The following PCDHGA1 variants were observed in gnomAD, a reference collection of about 807,000 sequenced individuals.
PCDHGA1 encodes the protein protocadherin gamma-A1.
Under a neutral mutation model 58.0 loss-of-function variants are expected in PCDHGA1, and 32 were observed. That is an observed-to-expected ratio of 0.55 (90% CI 0.42 to 0.74). PCDHGA1 has a LOEUF of 0.74. Among genes scored for constraint, PCDHGA1 ranks in the 30% least tolerant of loss-of-function variants. The pLI, the probability that PCDHGA1 is intolerant of heterozygous loss-of-function variation, is 0.00. For missense variants in PCDHGA1, 1,205 were observed against 1,182.3 expected (o/e 1.02, Z -0.28); for synonymous variants, 498 against 501.1 (o/e 0.99, Z 0.08).
intron 1 of PCDHGA1, among the ~76,000 whole-genome samples, chr5:141,430,380 T>C (rs1464446838): frequency 2.7e-5 from 4 of 147,890 alleles, no homozygotes; most frequent in Non-Finnish European, 4.5e-5. Flanking sequence ...AAAAGCTCAT[T>C]GGGAAAAAAA....
At chr5:141,370,688 G>A (rs374195397) in intron 1 of PCDHGA1, 7 of 1,613,840 alleles carry the variant, frequency 4.3e-6, no homozygotes, top group Non-Finnish European at 5.9e-6. Context: ...TTTGTGGCAA[G>A]AAGTCGACGT....
At chr5:141,364,036 G>A (rs868127549) in intron 1 of PCDHGA1, among the ~76,000 whole-genome samples, 16 of 152,152 alleles carry the variant, frequency 1.1e-4, no homozygotes, top group African/African-American at 2.9e-4. Context: ...TAAGGATATG[G>A]CAACATTATT....
rs980196319 is a variant in PCDHGA1 at position 141,511,604 on chromosome 5, A to C, written c.*431A>C. 3 of 248,420 alleles carry C rather than the reference A, an allele frequency of 1.2e-5. No individual in the cohort carries two copies. Among genetic ancestry groups the C allele is most frequent in the African/African-American group, 6.6e-5 (3 of 45,596 alleles). The allele number at this position is 248,420 out of a possible 1,614,324, so 15.4% of individuals were successfully genotyped here. Reference sequence around the variant, plus strand: ...GGTGTTGAAGTACCAAGTAACCTACAAGCCTCCTAGTTCTGAAAAGTTGGA... The same window carrying C: ...GGTGTTGAAGTACCAAGTAACCTACCAGCCTCCTAGTTCTGAAAAGTTGGA... On this transcript the variant is annotated 3_prime_UTR_variant, in exon 4 of 4. Coordinates refer to ENST00000517417, the MANE Select transcript of PCDHGA1 (RefSeq NM_018912.3).
chr5:141,362,635 C>T (rs1762607896), intron 1 of PCDHGA1: 2 of 1,483,024 alleles, frequency 1.3e-6, no homozygotes, highest in Non-Finnish European at 1.8e-6. Context: ...CTGCGTATTT[C>T]TTTGTCTGTG....
chr5:141,357,388 A>T, intron 1 of PCDHGA1: 4 of 1,614,224 alleles, frequency 2.5e-6, no homozygotes, highest in Non-Finnish European at 3.4e-6. Context: ...CGCTGAAGGC[A>T]GCAGGTTGGC....
chr5:141,407,599 AAAG>A (rs1328416590), intron 1 of PCDHGA1, among the ~76,000 whole-genome samples: 13 of 152,198 alleles, frequency 8.5e-5, no homozygotes, highest in Admixed American at 2.0e-4. Flanking sequence ...CTCATCTTAA[AAAG>A]AAGCATTGGT....
In PCDHGA1 at chr5:141,423,466, G is replaced by T. The variant is rs770939556; in HGVS notation, c.2422-71341G>T. On this transcript the variant is annotated intron_variant, in intron 1 of 3. Coordinates refer to ENST00000517417, the MANE Select transcript of PCDHGA1 (RefSeq NM_018912.3). Reference sequence around the variant, plus strand: ...GTCACATTTTGTAGGCGTGGACGGGGTACAGGCTTTCCTGCAAACCTATTC... The same window carrying T: ...GTCACATTTTGTAGGCGTGGACGGGTTACAGGCTTTCCTGCAAACCTATTC... 6 of 1,614,022 alleles carry T rather than the reference G, an allele frequency of 3.7e-6. No homozygotes were observed. In the Admixed American group the frequency reaches 5.0e-5, roughly 13 times the overall value.
At chr5:141,413,841 T>C (rs1481867404) in intron 1 of PCDHGA1, 1 of 1,613,060 alleles carries the variant, frequency 6.2e-7, no homozygotes, top group Admixed American at 1.7e-5. Context: ...CCGACGGGGG[T>C]GACCCTCTCC....
At chr5:141,474,756 T>C (rs2099354156) in intron 1 of PCDHGA1, among the ~76,000 whole-genome samples, 1 of 152,244 alleles carries the variant, frequency 6.6e-6, no homozygotes, top group Non-Finnish European at 1.5e-5. Flanking sequence ...AAGACAAATA[T>C]ACAGAAATAG....
At chr5:141,414,844 C>T (rs769714220) in intron 1 of PCDHGA1, 3 of 1,614,216 alleles carry the variant, frequency 1.9e-6, no homozygotes, top group South Asian at 2.2e-5. Flanking sequence ...CCTGTTTGTG[C>T]TGGACCAGAA....
At chr5:141,405,179 G>A (rs2094620573) in intron 1 of PCDHGA1, 1 of 1,614,028 alleles carries the variant, frequency 6.2e-7, no homozygotes, top group South Asian at 1.1e-5. Context: ...CTTTGTGGGT[G>A]TAGATGGGGT....
At chr5:141,482,033 C>G (rs1185284483) in intron 1 of PCDHGA1, among the ~76,000 whole-genome samples, 1 of 149,194 alleles carries the variant, frequency 6.7e-6, no homozygotes, top group African/African-American at 2.5e-5. Flanking sequence ...TGCAGTGAGC[C>G]AAGATCATGC....
In PCDHGA1 at chr5:141,476,432, G is replaced by T; in HGVS notation, c.2422-18375G>T. 6.2e-7 allele frequency: 1 copy of T among 1,614,116 alleles called. No individual in the cohort carries two copies. The highest frequency in any genetic ancestry group is 8.5e-7 in the Non-Finnish European group (1 of 1,180,028). ...GTGTGGGACACTGCCCTCTTGCACT[G>T]TAACTCTGGAGTTGGTAGTGGAGAA... On this transcript the variant is annotated intron_variant, in intron 1 of 3. Coordinates refer to ENST00000517417, the MANE Select transcript of PCDHGA1 (RefSeq NM_018912.3). The surrounding 1 kb of genome is among the most constrained non-coding windows in gnomAD (Gnocchi z 7.6).
chr5:141,361,668 C>T (rs923388451), intron 1 of PCDHGA1: 10 of 1,613,670 alleles, frequency 6.2e-6, no homozygotes, highest in Non-Finnish European at 8.5e-6. Context: ...GCGCGCAGAG[C>T]GGGGTGGTGT....
At chr5:141,398,534 A>T in intron 1 of PCDHGA1, 1 of 1,613,768 alleles carries the variant, frequency 6.2e-7, no homozygotes, top group South Asian at 1.1e-5. Flanking sequence ...TTCACGCAAA[A>T]TTCCTTTGAG....
Position 141,385,647 on chromosome 5 carries a change from A to C in PCDHGA1, c.2421+52542A>C, listed in dbSNP as rs541754761. On this transcript the variant is annotated intron_variant, in intron 1 of 3. Transcript: ENST00000517417. The stretch of plus-strand genomic sequence containing the variant: ...GAATGAATCGAGTCTTTCATATTGC[A>C]CAAGGTTAGCAGGAATAAAACACAC... The C allele has an allele frequency of 2.2e-5, 16 of 727,638 alleles. No homozygotes were observed. The African/African-American group carries it at 2.4e-4, about 11-fold the overall frequency. 45.1% of individuals were successfully genotyped at this position (727,638 alleles called of 1,614,324 possible).
At chr5:141,466,983 C>A (rs2099133398) in intron 1 of PCDHGA1, among the ~76,000 whole-genome samples, 1 of 151,884 alleles carries the variant, frequency 6.6e-6, no homozygotes, top group African/African-American at 2.4e-5. Context: ...TCATCATTTA[C>A]CTTTTGGCAT....
In PCDHGA1 at chr5:141,345,557, C is replaced by T. The variant is rs555177517; in HGVS notation, c.2421+12452C>T. On this transcript the variant is annotated intron_variant, in intron 1 of 3. Coordinates refer to ENST00000517417, the MANE Select transcript of PCDHGA1 (RefSeq NM_018912.3). ...CCCTGTCCTCCTTCGTCTCTATCAA[C>T]TCCAACACTGGCGTCCTATACGCGC... is the stretch of plus-strand genomic sequence containing the variant. 57 of 1,614,234 alleles carry T rather than the reference C, an allele frequency of 3.5e-5. No homozygotes were observed. In the East Asian group the frequency reaches 9.1e-4, roughly 26 times the overall value.
intron 1 of PCDHGA1, chr5:141,357,435 G>C (rs769082126): frequency 5.0e-6 from 8 of 1,614,086 alleles, no homozygotes; most frequent in East Asian, 4.5e-5. Context: ...GCGTGGACGG[G>C]GTTCGGGCTT....
Sources: allele counts gnomAD v4.1 joint callset (sites outside exome capture counted in the v4.1 genomes callset), GRCh38; gene constraint gnomAD v4.1.1; non-coding constraint Gnocchi (gnomAD v3.1); transcripts MANE v1.5; gene names NCBI Gene and HGNC (gene_info 2026-07-23, HGNC 2026-07-21).